Variants in TXNDC16 observed in about 807,000 individuals in gnomAD.
The protein encoded by TXNDC16 is thioredoxin domain-containing protein 16.
A neutral mutation model predicts 85.6 loss-of-function variants in TXNDC16; 74 were observed. The ratio of observed to expected loss-of-function variants is 0.86; its 90% confidence interval spans 0.72 to 1.05. TXNDC16 has a LOEUF of 1.05. Among genes scored for constraint, TXNDC16 ranks in the 50% least tolerant of loss-of-function variants. The probability of loss-of-function intolerance (pLI) is 0.00; values close to 1 mark genes in which losing one functional copy is unlikely to be tolerated. For missense variants in TXNDC16, 959 were observed against 947.0 expected (o/e 1.01, Z -0.17); for synonymous variants, 335 against 326.5 (o/e 1.03, Z -0.28).
chr14:52,446,334 G>C (rs1398553989), intron 18 of TXNDC16, among the ~76,000 whole-genome samples: 1 of 152,200 alleles, frequency 6.6e-6, no homozygotes, highest in Non-Finnish European at 1.5e-5. Context: ...GGCAAAACCA[G>C]ACTGAACTCA....
At chr14:52,460,431 A>T (rs1185989735) in intron 16 of TXNDC16, among the ~76,000 whole-genome samples, 1 of 152,244 alleles carries the variant, frequency 6.6e-6, no homozygotes, top group Non-Finnish European at 1.5e-5. Context: ...AAGTATTTCA[A>T]AAATCGTATG....
intron 9 of TXNDC16, among the ~76,000 whole-genome samples, chr14:52,504,572 A>G (rs1446237510): frequency 6.6e-6 from 1 of 152,232 alleles, no homozygotes; most frequent in Admixed American, 6.5e-5. Flanking sequence ...TGAAGGAAGC[A>G]ATAAACATGG....
chr14:52,513,179 C>T (rs1266918670), intron 8 of TXNDC16, among the ~76,000 whole-genome samples: 1 of 152,160 alleles, frequency 6.6e-6, no homozygotes, highest in African/African-American at 2.4e-5. Context: ...CAAATAATTT[C>T]AAACACACTC....
rs201503108 is a variant in TXNDC16 at position 52,488,435 on chromosome 14, G to A, written c.1036C>T (p.His346Tyr). Reference protein sequence around the residue: ...VLHDVDLIISHVENNMHIEEI... With the variant: ...VLHDVDLIISYVENNMHIEEI... ...TCAATGTGCATATTATTTTCCACATGAGATATTATTAAATCAACATCATGT... is the reference window on the plus strand; with the variant it reads ...TCAATGTGCATATTATTTTCCACATAAGATATTATTAAATCAACATCATGT... Residue 346 changes from histidine (H) to tyrosine (Y), a missense_variant, in exon 12 of 21, where the codon CAT (histidine) becomes TAT (tyrosine). Transcript: ENST00000281741. The A allele has an allele frequency of 5.1e-5, 82 of 1,611,772 alleles. 1 individual carries two copies. The African/African-American group carries it at 7.9e-4, about 15-fold the overall frequency.
At chr14:52,546,040 C>A (rs1467803254) in intron 1 of TXNDC16, among the ~76,000 whole-genome samples, 1 of 151,940 alleles carries the variant, frequency 6.6e-6, no homozygotes, top group Non-Finnish European at 1.5e-5. Flanking sequence ...AATTCCAGCC[C>A]TCTGGGAGGC....
intron 6 of TXNDC16, among the ~76,000 whole-genome samples, chr14:52,530,015 T>C (rs1200458748): frequency 3.8e-5 from 4 of 104,818 alleles, no homozygotes; most frequent in Non-Finnish European, 6.8e-5. Flanking sequence ...ATATATTATA[T>C]ATTATATGTT....
At chr14:52,515,061 C>T in intron 7 of TXNDC16, 91 bp from the exon 8 acceptor site, 1 of 854,456 alleles carries the variant, frequency 1.2e-6, no homozygotes, top group South Asian at 2.1e-5. Context: ...TCCTACACTC[C>T]TTTATGTTCT....
intron 17 of TXNDC16, 93 bp from the exon 18 acceptor site, chr14:52,455,555 A>T (rs774685641): frequency 6.9e-7 from 1 of 1,445,046 alleles, no homozygotes; most frequent in Non-Finnish European, 9.4e-7. Flanking sequence ...GTGAGGCAGC[A>T]AATGGGAATT....
chr14:52,433,469 A>C (rs935769496), intron 20 of TXNDC16, among the ~76,000 whole-genome samples: 3 of 152,210 alleles, frequency 2.0e-5, no homozygotes, highest in Admixed American at 6.5e-5. Context: ...CCAATGAAAG[A>C]ATCTATGCAC....
intron 18 of TXNDC16, among the ~76,000 whole-genome samples, chr14:52,453,187 G>A (rs1594690082): frequency 6.6e-6 from 1 of 152,248 alleles, no homozygotes; most frequent in African/African-American, 2.4e-5. Context: ...AACAAATGCT[G>A]GTGAGGATGT....
chr14:52,535,055 C>CA (rs1488201931), intron 6 of TXNDC16, among the ~76,000 whole-genome samples: 1 of 152,136 alleles, frequency 6.6e-6, no homozygotes, highest in East Asian at 1.9e-4. Flanking sequence ...GTGGATATGC[C>CA]ACTCCAGGAT....
intron 6 of TXNDC16, among the ~76,000 whole-genome samples, chr14:52,525,320 C>A (rs933588875): frequency 6.6e-6 from 1 of 151,918 alleles, no homozygotes; most frequent in African/African-American, 2.4e-5. Context: ...TTGATCATCG[C>A]AATAATCTCA....
At chr14:52,458,272 C>T (rs546029005) in intron 16 of TXNDC16, among the ~76,000 whole-genome samples, 47 of 152,222 alleles carry the variant, frequency 3.1e-4, no homozygotes, top group African/African-American at 1.1e-3. Flanking sequence ...TTTAATGAGA[C>T]AACTGGCCAG....
At chr14:52,467,523 T>C (rs954546159) in intron 16 of TXNDC16, among the ~76,000 whole-genome samples, 2 of 152,054 alleles carry the variant, frequency 1.3e-5, no homozygotes, top group Non-Finnish European at 2.9e-5. Context: ...GTCTGGGAAA[T>C]GCAAATCAAA....
intron 18 of TXNDC16, among the ~76,000 whole-genome samples, chr14:52,454,750 A>C (rs2035493097): frequency 6.6e-6 from 1 of 151,788 alleles, no homozygotes; most frequent in Non-Finnish European, 1.5e-5. Context: ...CGGGAGGCGG[A>C]GGTTGCAGAG....
chr14:52,476,746 T>C (rs1036883427), intron 14 of TXNDC16, among the ~76,000 whole-genome samples: 3 of 151,928 alleles, frequency 2.0e-5, no homozygotes, highest in Non-Finnish European at 4.4e-5. Context: ...ATTTGGAAAA[T>C]ATATTTGGGG....
At position 52,439,394 on chromosome 14, in the gene TXNDC16, T is replaced by C; in HGVS notation, c.2004A>G (p.Leu668=). 1 of 1,610,596 alleles carries C rather than the reference T, an allele frequency of 6.2e-7. No individual in the cohort carries two copies. Among genetic ancestry groups the C allele is most frequent in the Non-Finnish European group, 8.5e-7 (1 of 1,178,592 alleles). Residue 668 remains leucine (L), a splice_region_variant and synonymous_variant, in exon 20 of 21, where the codon CTA becomes CTG. Transcript: ENST00000281741. ...TTCCTCTCCCCACTGGAGTATTCTT[T>C]CTGCAAAAGGGAACAATTGAACATA... ...LDSFTPCWLN[L]KNTPVGRGIL...
At chr14:52,537,356 G>A (rs552002789) in intron 5 of TXNDC16, among the ~76,000 whole-genome samples, 1 of 152,306 alleles carries the variant, frequency 6.6e-6, no homozygotes, top group African/African-American at 2.4e-5. Context: ...GGCATTTGTT[G>A]TAGGAGTTTA....
intron 9 of TXNDC16, among the ~76,000 whole-genome samples, chr14:52,510,182 A>G (rs906626025): frequency 8.5e-5 from 13 of 152,160 alleles, no homozygotes; most frequent in Non-Finnish European, 1.8e-4. Flanking sequence ...AGGGCAAGGG[A>G]GCTGAGATGG....
Sources: allele counts gnomAD v4.1 joint callset (sites outside exome capture counted in the v4.1 genomes callset), GRCh38; gene constraint gnomAD v4.1.1; transcripts MANE v1.5; gene names NCBI Gene and HGNC (gene_info 2026-07-23, HGNC 2026-07-21).